Variants in CLIP4 observed in about 807,000 individuals in gnomAD.
CLIP4 encodes the protein CAP-Gly domain containing linker protein family member 4, also known as CAP-Gly domain-containing linker protein 4.
In CLIP4, 47 loss-of-function variants were observed where a neutral mutation model predicts 73.1. That is an observed-to-expected ratio of 0.64 (90% CI 0.51 to 0.82). CLIP4 has a LOEUF of 0.82. Among genes scored for constraint, CLIP4 ranks in the 40% least tolerant of loss-of-function variants. The pLI, the probability that CLIP4 is intolerant of heterozygous loss-of-function variation, is 0.00. For synonymous variants in CLIP4, 306 were observed against 295.4 expected (o/e 1.04, Z -0.37); for missense variants, 874 against 852.9 (o/e 1.02, Z -0.31).
intron 8 of CLIP4, among the ~76,000 whole-genome samples, chr2:29,150,911 C>A (rs1262458015): frequency 6.6e-6 from 1 of 151,988 alleles, no homozygotes; most frequent in Non-Finnish European, 1.5e-5. Context: ...TGAGCCACAG[C>A]GCCTGGCCTG....
At chr2:29,122,725 G>A (rs376998421) in intron 2 of CLIP4, among the ~76,000 whole-genome samples, 4 of 151,440 alleles carry the variant, frequency 2.6e-5, no homozygotes, top group Admixed American at 6.6e-5. Flanking sequence ...TACTCAGGAG[G>A]CTGAGGCAGG....
intron 2 of CLIP4, chr2:29,130,847 G>A (rs760639767): frequency 3.1e-5 from 40 of 1,289,492 alleles, no homozygotes; most frequent in Middle Eastern, 4.2e-4. Flanking sequence ...ACCTCAATGA[G>A]TCCCACTACT....
intron 8 of CLIP4, among the ~76,000 whole-genome samples, chr2:29,151,825 A>C (rs1036737802): frequency 6.6e-6 from 1 of 152,118 alleles, no homozygotes; most frequent in African/African-American, 2.4e-5. Flanking sequence ...CGGTATTTAT[A>C]GTCTGTATTC....
At position 29,181,791 on chromosome 2, in the gene CLIP4, G is replaced by C; in HGVS notation, c.2016G>C (p.Lys672Asn). ...KGKNDGSVGDKRYFTCKPNHG... is the reference protein window; with the variant it reads ...KGKNDGSVGDNRYFTCKPNHG... ...AAAATGATGGGTCAGTGGGTGACAA[G>C]CGCTATTTCACCTGTAAGCCGAACC... The change falls in exon 16 of 16, where the codon AAG becomes AAC. Residue 672 changes from lysine (K) to asparagine (N), a missense_variant. Physicochemically the swap from Lys to Asn is moderately conservative, Grantham distance 94. Transcript: ENST00000320081. The C allele has an allele frequency of 6.2e-7, 1 of 1,614,220 alleles. No individual in the cohort carries two copies. The highest frequency in any genetic ancestry group is 8.5e-7 in the Non-Finnish European group (1 of 1,180,040).
chr2:29,173,080 G>A (rs1668114018), intron 14 of CLIP4, among the ~76,000 whole-genome samples: 1 of 152,128 alleles, frequency 6.6e-6, no homozygotes, highest in South Asian at 2.1e-4. Context: ...CTTTCCTTGT[G>A]AGATGCTTGT....
intron 1 of CLIP4, among the ~76,000 whole-genome samples, chr2:29,104,506 C>T (rs776948273): frequency 3.8e-4 from 58 of 152,026 alleles, no homozygotes; most frequent in Non-Finnish European, 7.1e-4. Flanking sequence ...AGGCTGGTCT[C>T]GAACTCCTGT....
intron 6 of CLIP4, among the ~76,000 whole-genome samples, chr2:29,136,651 G>A (rs905445798): frequency 1.3e-5 from 2 of 152,114 alleles, no homozygotes; most frequent in African/African-American, 4.8e-5. Flanking sequence ...GGCTTCAACA[G>A]GGGGTGACAT....
At chr2:29,122,135 A>G (rs1240318117) in intron 2 of CLIP4, among the ~76,000 whole-genome samples, 1 of 152,018 alleles carries the variant, frequency 6.6e-6, no homozygotes, top group Non-Finnish European at 1.5e-5. Flanking sequence ...AGATCATACA[A>G]TTTTTACATA....
chr2:29,123,003 A>C (rs1311735022), intron 2 of CLIP4, among the ~76,000 whole-genome samples: 3 of 152,198 alleles, frequency 2.0e-5, no homozygotes, highest in Non-Finnish European at 4.4e-5. Flanking sequence ...CAAAATAGTT[A>C]ATTTTATTGT....
intron 6 of CLIP4, among the ~76,000 whole-genome samples, chr2:29,143,365 C>A (rs1160773568): frequency 6.6e-6 from 1 of 151,442 alleles, no homozygotes; most frequent in Non-Finnish European, 1.5e-5. Context: ...CCCCTACAAC[C>A]ATCTCTGTCT....
chr2:29,116,163 C>T (rs1282198715), intron 1 of CLIP4, among the ~76,000 whole-genome samples: 1 of 152,218 alleles, frequency 6.6e-6, no homozygotes, highest in Non-Finnish European at 1.5e-5. Context: ...TACCTGAGAT[C>T]CCTTAATTCT....
chr2:29,143,150 C>T (rs904435133), intron 6 of CLIP4, among the ~76,000 whole-genome samples: 2 of 152,198 alleles, frequency 1.3e-5, no homozygotes, highest in African/African-American at 4.8e-5. Context: ...AAGCGTCAGT[C>T]CTGTGACTTT....
chr2:29,145,199 C>T (rs778045804), intron 7 of CLIP4, 33 bp from the exon 8 acceptor site: 19 of 1,591,466 alleles, frequency 1.2e-5, no homozygotes, highest in Non-Finnish European at 1.6e-5. Context: ...ACTAATAATT[C>T]CCCAAAATTA....
chr2:29,137,224 T>TG (rs1665430356), intron 6 of CLIP4, among the ~76,000 whole-genome samples: 1 of 152,112 alleles, frequency 6.6e-6, no homozygotes, highest in Admixed American at 6.6e-5. Flanking sequence ...TGTTCCCATC[T>TG]TTATGTCTGT....
At chr2:29,126,224 C>T (rs913348128) in intron 2 of CLIP4, among the ~76,000 whole-genome samples, 2 of 152,166 alleles carry the variant, frequency 1.3e-5, no homozygotes, top group Admixed American at 6.5e-5. Context: ...TTCATTTAAT[C>T]TCAAAAGCTT....
In CLIP4 at chr2:29,156,461, C is replaced by T; in HGVS notation, c.1255+18C>T. The T allele has an allele frequency of 6.7e-7, 1 of 1,490,788 alleles. No individual in the cohort carries two copies. The highest frequency in any genetic ancestry group is 9.0e-7 in the Non-Finnish European group (1 of 1,105,732). The allele number at this position is 1,490,788 out of a possible 1,614,324, so 92.3% of individuals were successfully genotyped here. ...GAAAGATGGTAATATACCTTGTAAC[C>T]TCTGTTTCTCAAAATTTAACTTTTG... On this transcript the variant is annotated intron_variant, in intron 10 of 15. Coordinates refer to ENST00000320081, the MANE Select transcript of CLIP4 (RefSeq NM_024692.6).
intron 14 of CLIP4, among the ~76,000 whole-genome samples, chr2:29,169,993 T>C (rs905670834): frequency 1.3e-5 from 2 of 152,208 alleles, no homozygotes; most frequent in African/African-American, 4.8e-5. Flanking sequence ...CTCCTGCACA[T>C]GAGTGAGAAC....
chr2:29,165,213 G>GT (rs750265908), intron 13 of CLIP4, among the ~76,000 whole-genome samples: 2 of 151,768 alleles, frequency 1.3e-5, no homozygotes, highest in Middle Eastern at 3.4e-3. Flanking sequence ...CTTTGTAATT[G>GT]TTTTTTCTGT....
At chr2:29,137,051 A>C (rs564463981) in intron 6 of CLIP4, among the ~76,000 whole-genome samples, 1 of 151,862 alleles carries the variant, frequency 6.6e-6, no homozygotes, top group Non-Finnish European at 1.5e-5. Flanking sequence ...TAAATATTAG[A>C]TTCAGGGAGT....
Sources: gnomAD v4.1 joint callset for allele counts (sites outside exome capture counted in the v4.1 genomes callset) on GRCh38, gnomAD v4.1.1 for gene constraint, MANE v1.5 for transcripts, NCBI Gene and HGNC (gene_info 2026-07-23, HGNC 2026-07-21) for gene names.